PPFIA2: variants seen among roughly 807,000 people sequenced by gnomAD.
PPFIA2 encodes liprin-alpha-2.
PPFIA2 carries 46 observed loss-of-function variants against 175.5 expected under a neutral mutation model. The ratio of observed to expected loss-of-function variants is 0.26; its 90% CI spans 0.21 to 0.34. PPFIA2 has a LOEUF of 0.34. Ranked by LOEUF, PPFIA2 falls within the 10% of genes least tolerant of loss-of-function variation. The pLI is 1.00. For missense variants in PPFIA2, 1,179 were observed against 1,506.1 expected (o/e 0.78, Z 3.60); for synonymous variants, 568 against 511.4 (o/e 1.11, Z -1.49).
At chr12:81,424,059 T>C (rs2046747876) in intron 7 of PPFIA2, among the ~76,000 whole-genome samples, 1 of 152,124 alleles carries the variant, frequency 6.6e-6, no homozygotes, top group Admixed American at 6.6e-5. Flanking sequence ...CTTTAAAATG[T>C]ATTTTAATAT....
intron 3 of PPFIA2, among the ~76,000 whole-genome samples, chr12:81,725,535 G>A (rs1202730650): frequency 6.6e-6 from 1 of 150,498 alleles, no homozygotes; most frequent in Admixed American, 6.6e-5. Flanking sequence ...AAAAATTAGG[G>A]TCTTAAAATC....
At chr12:81,629,897 CA>C (rs1305302357) in intron 4 of PPFIA2, among the ~76,000 whole-genome samples, 7 of 151,978 alleles carry the variant, frequency 4.6e-5, no homozygotes, top group Non-Finnish European at 8.8e-5. Flanking sequence ...TTTATATGGC[CA>C]AAAAAGTTTA....
rs943120110 is a variant in PPFIA2 at position 81,335,391 on chromosome 12, T to C, written c.2548+3789A>G. 3.4e-4 allele frequency among the ~76,000 whole-genome samples: 51 copies of C among 152,136 alleles called. 1 individual carries two copies. Among genetic ancestry groups the C allele is most frequent in the African/African-American group, 1.2e-3 (48 of 41,422 alleles). ...GAAGTACATATCGGTCCTGTTGTCA[T>C]GGGGATACAAACCAAACCTGTTTAT... On this transcript the variant is annotated intron_variant, in intron 21 of 32. Transcript: ENST00000549396.
At chr12:81,646,893 G>A (rs1371355736) in intron 4 of PPFIA2, among the ~76,000 whole-genome samples, 2 of 151,584 alleles carry the variant, frequency 1.3e-5, no homozygotes, top group Non-Finnish European at 2.9e-5. Flanking sequence ...GGAAGGAGAT[G>A]AAGGTGGGGG....
intron 9 of PPFIA2, chr12:81,377,983 T>C (rs184387141): frequency 6.6e-6 from 1 of 152,196 alleles, no homozygotes; most frequent in Admixed American, 6.5e-5. Context: ...GACTGGTGTT[T>C]TTACAAGGAG....
intron 4 of PPFIA2, among the ~76,000 whole-genome samples, chr12:81,550,613 A>G (rs1216830237): frequency 6.6e-6 from 1 of 152,030 alleles, no homozygotes; most frequent in Non-Finnish European, 1.5e-5. Flanking sequence ...TCTGCAGAAC[A>G]GCATTAAAAT....
intron 4 of PPFIA2, among the ~76,000 whole-genome samples, chr12:81,520,083 A>C (rs2062937549): frequency 6.6e-6 from 1 of 152,214 alleles, no homozygotes; most frequent in African/African-American, 2.4e-5. Context: ...TCTATGTGAT[A>C]AGATGGAATG....
intron 4 of PPFIA2, among the ~76,000 whole-genome samples, chr12:81,502,449 C>T (rs2060686282): frequency 6.6e-6 from 1 of 152,152 alleles, no homozygotes. Context: ...TCTCCCACTT[C>T]CAAAGATATT....
At chr12:81,411,870 C>G (rs940948302) in intron 7 of PPFIA2, among the ~76,000 whole-genome samples, 7 of 151,804 alleles carry the variant, frequency 4.6e-5, no homozygotes, top group African/African-American at 1.7e-4. Context: ...AAAATCAAAC[C>G]AAGTGAGGAA....
chr12:81,662,013 C>T (rs2068980334), intron 4 of PPFIA2, among the ~76,000 whole-genome samples: 1 of 151,988 alleles, frequency 6.6e-6, no homozygotes, highest in African/African-American at 2.4e-5. Flanking sequence ...AGAACAAAGA[C>T]ACAACATACC....
chr12:81,627,461 T>C (rs2062847530), intron 4 of PPFIA2, among the ~76,000 whole-genome samples: 1 of 152,164 alleles, frequency 6.6e-6, no homozygotes, highest in African/African-American at 2.4e-5. Flanking sequence ...AAACAAAGAA[T>C]GTCACTCTCC....
chr12:81,352,413 G>C (rs1466546294), intron 17 of PPFIA2, among the ~76,000 whole-genome samples: 3 of 149,768 alleles, frequency 2.0e-5, no homozygotes, highest in African/African-American at 7.4e-5. Context: ...TAATTCTATA[G>C]AATTAATATA....
chr12:81,743,681 T>A (rs2082658004), intron 3 of PPFIA2, among the ~76,000 whole-genome samples: 2 of 152,030 alleles, frequency 1.3e-5, no homozygotes, highest in South Asian at 2.1e-4. Context: ...GTTGACCTTT[T>A]CTAGGAACAT....
chr12:81,415,205 AAAAAAATATATATATATATATATATATAT>A (rs2044868363), intron 7 of PPFIA2, among the ~76,000 whole-genome samples: 2 of 48,046 alleles, frequency 4.2e-5, no homozygotes, highest in Non-Finnish European at 8.1e-5. Context: ...AAAAAAAAAA[AAAAAAATATATATATATATATATATATAT>A]ATATATATAT....
chr12:81,715,979 A>G (rs1439811621), intron 3 of PPFIA2, among the ~76,000 whole-genome samples: 1 of 151,504 alleles, frequency 6.6e-6, no homozygotes, highest in African/African-American at 2.4e-5. Flanking sequence ...AAATTTATTA[A>G]ATTTTCTGTA....
chr12:81,424,408 T>C (rs1419732995), intron 7 of PPFIA2, among the ~76,000 whole-genome samples: 3 of 152,196 alleles, frequency 2.0e-5, no homozygotes, highest in Non-Finnish European at 2.9e-5. Flanking sequence ...TCTATCTTTA[T>C]AGTTATTTGA....
chr12:81,342,566 G>C (rs1270318458), intron 19 of PPFIA2, among the ~76,000 whole-genome samples: 1 of 151,980 alleles, frequency 6.6e-6, no homozygotes, highest in Non-Finnish European at 1.5e-5. Flanking sequence ...TAATTCCTTT[G>C]CTCTATTCAA....
At chr12:81,444,493 T>G (rs1025821556) in intron 6 of PPFIA2, among the ~76,000 whole-genome samples, 3 of 152,150 alleles carry the variant, frequency 2.0e-5, no homozygotes, top group Non-Finnish European at 4.4e-5. Context: ...GCAAGAATTT[T>G]TATATAATAT....
At chr12:81,270,885 C>T (rs373414496) in intron 28 of PPFIA2, 2 of 152,198 alleles carry the variant, frequency 1.3e-5, no homozygotes, top group East Asian at 3.8e-4. Flanking sequence ...TTTAAATCTA[C>T]ATATTAGATG....
Sources: allele counts gnomAD v4.1 joint callset (sites outside exome capture counted in the v4.1 genomes callset), GRCh38; gene constraint gnomAD v4.1.1; transcripts MANE v1.5; gene names NCBI Gene and HGNC (gene_info 2026-07-23, HGNC 2026-07-21).